ATG7: variants seen among roughly 807,000 people sequenced by gnomAD.
ATG7 encodes autophagy related 7.
Under a neutral mutation model 82.4 loss-of-function variants are expected in ATG7, and 70 were observed. That is an observed-to-expected ratio of 0.85 (90% CI 0.70 to 1.04). The LOEUF is 1.04. Ranked by LOEUF, ATG7 falls within the 50% of genes least tolerant of loss-of-function variation. The probability of loss-of-function intolerance (pLI) is 0.00; values close to 1 mark genes in which losing one functional copy is unlikely to be tolerated. For missense variants in ATG7, 792 were observed against 864.3 expected (o/e 0.92, Z 1.05); for synonymous variants, 287 against 313.0 (o/e 0.92, Z 0.88).
downstream of ATG7, among the ~76,000 whole-genome samples, chr3:11,560,608 ATG>A (rs1290833064): frequency 2.0e-5 from 3 of 152,180 alleles, no homozygotes; most frequent in Non-Finnish European, 4.4e-5. Flanking sequence ...TAGGATGAAA[ATG>A]TGGATCCACA....
intron 20 of ATG7, among the ~76,000 whole-genome samples, chr3:11,479,378 A>C (rs2088655671): frequency 6.6e-6 from 1 of 152,190 alleles, no homozygotes; most frequent in South Asian, 2.1e-4. Flanking sequence ...TTTTCATTTT[A>C]TAGAGTTTTT....
chr3:11,558,758 G>A (rs2072672823), downstream of ATG7: 5 of 1,614,156 alleles, frequency 3.1e-6, no homozygotes, highest in Non-Finnish European at 4.2e-6. Context: ...TGCCGGCTCG[G>A]GCTCCTTGTA....
rs1054569849 is a variant in ATG7, at chr3:11,368,250, A to G, written c.1875+3516A>G. Among the ~76,000 whole-genome samples the G allele has an allele frequency of 4.2e-3, 637 of 150,188 alleles. 2 individuals are homozygous for G. Among genetic ancestry groups the G allele is most frequent in the African/African-American group, 7.0e-3 (283 of 40,704 alleles). Reference sequence around the variant, plus strand: ...TACTTAAAAAAAAAAAAAAAAAAAAAAAGAAGAAGAAGAAGAAGGAAAGAA... The same window carrying G: ...TACTTAAAAAAAAAAAAAAAAAAAAGAAGAAGAAGAAGAAGAAGGAAAGAA... On this transcript the variant is annotated intron_variant, in intron 18 of 20. Transcript: ENST00000693202.
the ATG7 span, chr3:11,564,849 G>C: frequency 1.2e-6 from 2 of 1,604,794 alleles, no homozygotes; most frequent in Non-Finnish European, 1.7e-6. Flanking sequence ...TGGCCTGCTG[G>C]CGTCCAGGCT....
chr3:11,273,672 A>G (rs1941024437), intron 1 of ATG7, among the ~76,000 whole-genome samples: 1 of 152,214 alleles, frequency 6.6e-6, no homozygotes, highest in Non-Finnish European at 1.5e-5. Context: ...TAAAACAAAT[A>G]TTTGCCTGTT....
downstream of ATG7, among the ~76,000 whole-genome samples, chr3:11,561,224 G>A (rs2072967676): frequency 6.6e-6 from 1 of 152,162 alleles, no homozygotes; most frequent in Non-Finnish European, 1.5e-5. Context: ...TGGGGAACTG[G>A]GGAGACATTT....
At chr3:11,321,147 G>A (rs188555482) in intron 9 of ATG7, among the ~76,000 whole-genome samples, 9 of 152,306 alleles carry the variant, frequency 5.9e-5, no homozygotes, top group African/African-American at 2.2e-4. Context: ...ACAGTTCTGC[G>A]TCTAATGTCA....
chr3:11,383,514 G>A lies in ATG7; in HGVS notation c.1956+3462G>A, dbSNP rs569017046. Among the ~76,000 whole-genome samples, 19 of 152,084 alleles carry A rather than the reference G, an allele frequency of 1.2e-4. No individual in the cohort carries two copies. The South Asian group carries it at 2.5e-3, about 20-fold the overall frequency. On this transcript the variant is annotated intron_variant, in intron 19 of 20. Coordinates refer to ENST00000693202, the MANE Select transcript of ATG7 (RefSeq NM_001349232.2). ...CCAACAGTGAGAAACCTGCAATCTC[G>A]GCTCACTGCAACCTCCGCCTGCCTC...
intron 3 of ATG7, among the ~76,000 whole-genome samples, chr3:11,285,903 C>T (rs1187120965): frequency 6.6e-6 from 1 of 152,220 alleles, no homozygotes; most frequent in Non-Finnish European, 1.5e-5. Context: ...AGCATCATCC[C>T]AGGATCACAC....
chr3:11,299,916 A>G (rs1292718427), intron 5 of ATG7, among the ~76,000 whole-genome samples: 1 of 149,458 alleles, frequency 6.7e-6, no homozygotes, highest in Non-Finnish European at 1.5e-5. Flanking sequence ...GTTGCTGGAG[A>G]GAAGAGACAC....
At chr3:11,398,890 CA>C (rs1411151482) in intron 19 of ATG7, among the ~76,000 whole-genome samples, 2 of 151,788 alleles carry the variant, frequency 1.3e-5, no homozygotes, top group African/African-American at 2.4e-5. Flanking sequence ...AATTAATGAG[CA>C]AATATTTGTA....
intron 1 of ATG7, among the ~76,000 whole-genome samples, chr3:11,276,025 A>G (rs1358256902): frequency 1.3e-5 from 2 of 152,162 alleles, no homozygotes; most frequent in African/African-American, 4.8e-5. Context: ...TTATAGACAC[A>G]TTGTGCTTTT....
intron 20 of ATG7, among the ~76,000 whole-genome samples, chr3:11,520,758 A>G (rs748232665): frequency 2.0e-5 from 3 of 152,178 alleles, no homozygotes; most frequent in African/African-American, 7.2e-5. Context: ...GTAACTGGCA[A>G]TGTGTTTGGG....
At chr3:11,568,730 G>C in the ATG7 span, 1 of 1,540,592 alleles carries the variant, frequency 6.5e-7, no homozygotes. This position sits in a 1 kb window ranked among gnomAD's most constrained non-coding sequence, Gnocchi z 5.9. Flanking sequence ...GGGGACGGCA[G>C]AAAACCGCAC....
intron 20 of ATG7, among the ~76,000 whole-genome samples, chr3:11,493,729 C>T (rs144065039): frequency 0.011 from 1,726 of 152,228 alleles, 30 homozygotes; most frequent in African/African-American, 0.039. Flanking sequence ...CAAAAGTTTC[C>T]GTGATACAGC....
At chr3:11,454,253 T>C (rs2085480523) in intron 20 of ATG7, among the ~76,000 whole-genome samples, 1 of 152,032 alleles carries the variant, frequency 6.6e-6, no homozygotes, top group Non-Finnish European at 1.5e-5. Flanking sequence ...TCTGGTGGAG[T>C]TGACTCCGCC....
chr3:11,506,554 C>CAA (rs754696496), intron 20 of ATG7, among the ~76,000 whole-genome samples: 53 of 24,962 alleles, frequency 2.1e-3, no homozygotes, highest in South Asian at 3.9e-3. Flanking sequence ...CCCATCTCTA[C>CAA]AAAAAAAAAA....
chr3:11,389,813 A>G (rs550786397), intron 19 of ATG7, among the ~76,000 whole-genome samples: 145 of 152,218 alleles, frequency 9.5e-4, no homozygotes, highest in Non-Finnish European at 1.5e-3. Flanking sequence ...TTGGCAGCTA[A>G]GGTGTCTTTG....
rs914243562 is a variant in ATG7, at chr3:11,286,873, G to A, written c.-11+4435G>A. ...TCCCGCCTCAGACCCCCAAAGTGCT[G>A]GGATTGCAGGTGTGAGCCACCGCAC... On this transcript the variant is annotated intron_variant, in intron 3 of 20. Transcript: ENST00000693202. 5.9e-5 allele frequency among the ~76,000 whole-genome samples: 9 copies of A among 151,570 alleles called. 1 individual carries two copies. Among genetic ancestry groups the A allele is most frequent in the Middle Eastern group, 6.8e-3 (2 of 294 alleles).
Sources: allele counts gnomAD v4.1 joint callset (sites outside exome capture counted in the v4.1 genomes callset), GRCh38; gene constraint gnomAD v4.1.1; non-coding constraint Gnocchi (gnomAD v3.1); transcripts MANE v1.5; gene names NCBI Gene and HGNC (gene_info 2026-07-23, HGNC 2026-07-21).